Variants in RAB3GAP2 observed in about 807,000 individuals in gnomAD.
The protein encoded by RAB3GAP2 is rab3 GTPase-activating protein non-catalytic subunit.
RAB3GAP2 carries 87 observed loss-of-function variants against 185.3 expected under a neutral mutation model. That is an observed-to-expected ratio of 0.47 (90% CI 0.39 to 0.56). RAB3GAP2 has a LOEUF of 0.56. Ranked by LOEUF, RAB3GAP2 falls within the 20% of genes least tolerant of loss-of-function variation. RAB3GAP2 has a pLI of 0.00. For missense variants in RAB3GAP2, 1,492 were observed against 1,638.2 expected, an observed-to-expected ratio of 0.91 and a Z score of 1.54; for synonymous variants, 554 against 576.1, an observed-to-expected ratio of 0.96 and a Z score of 0.55.
chr1:220,235,684 G>T (rs184352642), intron 1 of RAB3GAP2, among the ~76,000 whole-genome samples: 250 of 152,166 alleles, frequency 1.6e-3, no homozygotes, highest in Admixed American at 4.8e-3. Context: ...ACTATAAAAA[G>T]TGTGTTATTT....
At chr1:220,163,340 C>G (rs139296380) in intron 27 of RAB3GAP2, among the ~76,000 whole-genome samples, 37 of 151,760 alleles carry the variant, frequency 2.4e-4, no homozygotes, top group African/African-American at 7.5e-4. Context: ...TGAAGAAATA[C>G]TAGTCTGAAG....
At chr1:220,167,865 G>A (rs1354266432) in intron 24 of RAB3GAP2, among the ~76,000 whole-genome samples, 190 bp from the exon 25 acceptor site, 1 of 152,060 alleles carries the variant, frequency 6.6e-6, no homozygotes, top group Non-Finnish European at 1.5e-5. Context: ...GGCAACAAGT[G>A]GGATATTTAC....
At chr1:220,221,014 C>A (rs1313297407) in intron 2 of RAB3GAP2, among the ~76,000 whole-genome samples, 1 of 152,166 alleles carries the variant, frequency 6.6e-6, no homozygotes, top group East Asian at 1.9e-4. Context: ...CTAGGTGCAC[C>A]ATTACCACTT....
chr1:220,177,057 G>A (rs890230337), intron 21 of RAB3GAP2, among the ~76,000 whole-genome samples: 1 of 152,160 alleles, frequency 6.6e-6, no homozygotes, highest in Non-Finnish European at 1.5e-5. Context: ...TGCAGCTGGG[G>A]ACCCATCCAC....
rs986759414 is a variant in RAB3GAP2, at chr1:220,184,039, A to G, written c.1995T>C (p.Asp665=). 4 of 1,561,270 alleles carry G rather than the reference A, an allele frequency of 2.6e-6. No individual in the cohort carries two copies. The highest frequency in any genetic ancestry group is 1.4e-5 in the African/African-American group (1 of 73,780). ...TATAAAATGTGGGATTACTCACATTATCAGAGAATGGTGTGTCTAAATGAA... is the reference window on the plus strand; with the variant it reads ...TATAAAATGTGGGATTACTCACATTGTCAGAGAATGGTGTGTCTAAATGAA... The part of the protein sequence containing the change: ...LDFHLDTPFS[D]NDLALLLRLD... The change falls in exon 19 of 35, where the codon GAT becomes GAC. Residue 665 remains aspartate, a synonymous_variant. Transcript: ENST00000358951.
chr1:220,222,129 T>C (rs1487758125), intron 2 of RAB3GAP2, among the ~76,000 whole-genome samples: 1 of 152,132 alleles, frequency 6.6e-6, no homozygotes, highest in Non-Finnish European at 1.5e-5. Flanking sequence ...ATCTATACTT[T>C]TAAAGCAAGA....
At chr1:220,207,257 T>A (rs1400085281) in intron 7 of RAB3GAP2, among the ~76,000 whole-genome samples, 1 of 152,228 alleles carries the variant, frequency 6.6e-6, no homozygotes, top group Non-Finnish European at 1.5e-5. Flanking sequence ...TTCATTCTCA[T>A]ATATATTAAG....
chr1:220,217,770 G>GT (rs1282374930), intron 2 of RAB3GAP2, among the ~76,000 whole-genome samples: 1 of 152,146 alleles, frequency 6.6e-6, no homozygotes, highest in African/African-American at 2.4e-5. Context: ...CCTTAGTAAT[G>GT]TTTTTTCTTA....
At chr1:220,173,507 T>A (rs1245854047) in intron 21 of RAB3GAP2, among the ~76,000 whole-genome samples, 1 of 152,174 alleles carries the variant, frequency 6.6e-6, no homozygotes, top group Non-Finnish European at 1.5e-5. Context: ...AATGAATTAT[T>A]TCAAATAGTT....
intron 18 of RAB3GAP2, 44 bp from the exon 19 acceptor site, chr1:220,184,207 A>T: frequency 1.3e-6 from 2 of 1,530,366 alleles, no homozygotes; most frequent in Non-Finnish European, 1.8e-6. Flanking sequence ...TATATTTAAC[A>T]GACTCATAAA....
intron 1 of RAB3GAP2, among the ~76,000 whole-genome samples, chr1:220,248,895 C>T (rs944281535): frequency 1.3e-5 from 2 of 152,124 alleles, no homozygotes; most frequent in Non-Finnish European, 2.9e-5. Context: ...TTCCTGCCAC[C>T]ATGTGAAGAA....
At chr1:220,182,618 A>T in intron 20 of RAB3GAP2, 100 bp downstream of exon 20, 6 of 1,246,118 alleles carry the variant, frequency 4.8e-6, no homozygotes, top group Non-Finnish European at 6.5e-6. Flanking sequence ...TTCATTATTT[A>T]AATTTCAAAA....
At chr1:220,225,044 G>A (rs1381412344) in intron 2 of RAB3GAP2, among the ~76,000 whole-genome samples, 1 of 152,078 alleles carries the variant, frequency 6.6e-6, no homozygotes, top group Non-Finnish European at 1.5e-5. Flanking sequence ...CTTAACAGAA[G>A]CTACTCTGCA....
chr1:220,200,501 T>C, intron 9 of RAB3GAP2: 1 of 493,994 alleles, frequency 2.0e-6, no homozygotes, highest in South Asian at 1.6e-5. Context: ...ACCAGACCTC[T>C]ACATAAAGAT....
chr1:220,193,383 A>T lies in RAB3GAP2; in HGVS notation c.1131-4T>A, dbSNP rs752780415. The T allele has an allele frequency of 1.2e-6, 2 of 1,613,126 alleles. No homozygotes were observed. The highest frequency in any genetic ancestry group is 1.7e-6 in the Non-Finnish European group (2 of 1,179,616). Reference sequence around the variant, plus strand: ...TCTAGAATCTGGAAGTCCAAATCTGATATTTAAAAGAAAATAAAATGCTCA... The same window carrying T: ...TCTAGAATCTGGAAGTCCAAATCTGTTATTTAAAAGAAAATAAAATGCTCA... On this transcript the variant is annotated splice_region_variant and splice_polypyrimidine_tract_variant and intron_variant, in intron 12 of 34. Coordinates refer to ENST00000358951, the MANE Select transcript of RAB3GAP2 (RefSeq NM_012414.4).
rs1490208115 is a variant in RAB3GAP2, at chr1:220,148,576, G to A, written c.*2675C>T. ...AAAATATTTGTTCCTTATAAATGAA[G>A]TGGACCACAGCAACTTCTAAATGAA... is the stretch of plus-strand genomic sequence containing the variant. On this transcript the variant is annotated 3_prime_UTR_variant, in exon 35 of 35. Coordinates refer to ENST00000358951, the MANE Select transcript of RAB3GAP2 (RefSeq NM_012414.4). The A allele has an allele frequency of 6.7e-6, 1 of 150,334 alleles. No individual in the cohort carries two copies. Among genetic ancestry groups the A allele is most frequent in the Admixed American group, 6.6e-5 (1 of 15,038 alleles). 9.3% of individuals were successfully genotyped at this position (150,334 alleles called of 1,614,324 possible). A position where few individuals can be genotyped will look rare whatever the true frequency, so the allele number is the denominator to read the frequency against.
rs1659335658 is a variant in RAB3GAP2, at chr1:220,222,982, ATGG to A, written c.181-9006_181-9004del. Among the ~76,000 whole-genome samples the A allele has an allele frequency of 3.3e-5, 5 of 152,362 alleles. 1 individual carries two copies. In the South Asian group the frequency reaches 1.0e-3, roughly 32 times the overall value. ...AAAATTCATTTCATAAACAATTACA[ATGG>A]AACTCCAAAACTAAATGTATACTTC... On this transcript the variant is annotated intron_variant, in intron 2 of 34. Transcript: ENST00000358951.
chr1:220,214,600 T>C (rs554373845), intron 2 of RAB3GAP2, among the ~76,000 whole-genome samples: 24 of 152,178 alleles, frequency 1.6e-4, no homozygotes, highest in South Asian at 4.1e-4. Context: ...ATAATCCTAT[T>C]TACAAAGAGA....
At position 220,210,107 on chromosome 1, in the gene RAB3GAP2, C is replaced by G. The variant is rs4511114; in HGVS notation, c.612+281G>C. On this transcript the variant is annotated intron_variant, in intron 7 of 34. Transcript: ENST00000358951. ...TTATAAAATATCATATTTTTGCCTT[C>G]CCATTATTAAATTCTAAAAATAAGA... Among the ~76,000 whole-genome samples the G allele has an allele frequency of 0.46, 69,756 of 151,890 alleles. 17,816 individuals are homozygous for G. Among genetic ancestry groups the G allele is most frequent in the African/African-American group, 0.69 (28,603 of 41,440 alleles).
Sources: allele counts gnomAD v4.1 joint callset (sites outside exome capture counted in the v4.1 genomes callset), GRCh38; gene constraint gnomAD v4.1.1; transcripts MANE v1.5; gene names NCBI Gene and HGNC (gene_info 2026-07-23, HGNC 2026-07-21).